MMD2: variants seen among roughly 807,000 people sequenced by gnomAD.
The protein encoded by MMD2 is monocyte to macrophage differentiation associated 2.
A neutral mutation model predicts 33.5 loss-of-function variants in MMD2; 30 were observed. The ratio of observed to expected loss-of-function variants is 0.90; its 90% CI spans 0.67 to 1.22. The LOEUF is 1.22. MMD2 is among the 50% of genes most tolerant of loss of function. The pLI is 0.00. For missense variants in MMD2, 364 were observed against 325.4 expected (o/e 1.12, Z -0.91); for synonymous variants, 129 against 123.0 (o/e 1.05, Z -0.32).
the MMD2 span, among the ~76,000 whole-genome samples, chr7:4,895,559 C>T: frequency 5.3e-5 from 8 of 151,846 alleles, 1 homozygote; most frequent in South Asian, 2.1e-4. Flanking sequence ...TTTTTTGAGA[C>T]GGAGTCTCGC....
chr7:4,958,484 T>G (rs962240239), intron 1 of MMD2, among the ~76,000 whole-genome samples: 1 of 152,090 alleles, frequency 6.6e-6, no homozygotes, highest in Non-Finnish European at 1.5e-5. Flanking sequence ...CCTCAGTTTC[T>G]CCATCTGAAA....
At chr7:4,948,284 T>C (rs745658648) in intron 1 of MMD2, among the ~76,000 whole-genome samples, 1 of 152,178 alleles carries the variant, frequency 6.6e-6, no homozygotes, top group Non-Finnish European at 1.5e-5. Flanking sequence ...CCCAGCACTT[T>C]GGGAGACTGA....
At chr7:4,928,025 G>A (rs1330553513) in intron 1 of MMD2, among the ~76,000 whole-genome samples, 1 of 152,136 alleles carries the variant, frequency 6.6e-6, no homozygotes, top group African/African-American at 2.4e-5. Context: ...CCAAGAACTG[G>A]GTCTAAGGTC....
chr7:4,928,888 T>A (rs1207524017), intron 1 of MMD2, among the ~76,000 whole-genome samples: 6 of 141,720 alleles, frequency 4.2e-5, no homozygotes, highest in South Asian at 4.6e-4. Context: ...CAGCTCATGG[T>A]GCATTTATTA....
chr7:4,895,646 C>T, the MMD2 span, among the ~76,000 whole-genome samples: 1 of 152,272 alleles, frequency 6.6e-6, no homozygotes, highest in East Asian at 1.9e-4. Context: ...AAACAATTCT[C>T]CTGACTCAGC....
In MMD2 at chr7:4,935,041, C is replaced by A. The variant is rs929755014; in HGVS notation, c.48-9509G>T. ...TCTCTACTAAAAATACAAAAATTAG[C>A]CAGGCATGGTGGCGCACACCTGTAA... On this transcript the variant is annotated intron_variant, in intron 1 of 6. Transcript: ENST00000401401. Among the ~76,000 whole-genome samples the A allele has an allele frequency of 7.2e-5, 11 of 152,150 alleles. No individual in the cohort carries two copies. In the South Asian group the frequency reaches 1.7e-3, roughly 23 times the overall value.
intron 1 of MMD2, among the ~76,000 whole-genome samples, chr7:4,935,751 A>G (rs1255036155): frequency 6.6e-6 from 1 of 151,300 alleles, no homozygotes; most frequent in African/African-American, 2.4e-5. Flanking sequence ...GGCATTGTGG[A>G]GTGGTTCCAA....
intron 1 of MMD2, among the ~76,000 whole-genome samples, chr7:4,939,556 A>C (rs1166153968): frequency 6.6e-6 from 1 of 152,106 alleles, no homozygotes; most frequent in Non-Finnish European, 1.5e-5. Context: ...AAACAAAAAA[A>C]GTCTTGGAAA....
intron 1 of MMD2, among the ~76,000 whole-genome samples, chr7:4,948,409 G>A (rs1786150062): frequency 6.6e-6 from 1 of 152,136 alleles, no homozygotes; most frequent in South Asian, 2.1e-4. Context: ...TGTAGTACCA[G>A]CTACTCGGGA....
At chr7:4,921,555 A>G (rs1785285078) in intron 2 of MMD2, among the ~76,000 whole-genome samples, 1 of 148,680 alleles carries the variant, frequency 6.7e-6, no homozygotes, top group African/African-American at 2.5e-5. Flanking sequence ...CAGGAGGTGG[A>G]GATTGCAGTG....
chr7:4,937,921 T>C (rs1785787214), intron 1 of MMD2, among the ~76,000 whole-genome samples: 1 of 151,858 alleles, frequency 6.6e-6, no homozygotes, highest in Non-Finnish European at 1.5e-5. Context: ...AGCACTGAGA[T>C]TACAGGCATG....
chr7:4,929,686 G>A (rs542198270), intron 1 of MMD2, among the ~76,000 whole-genome samples: 49 of 151,810 alleles, frequency 3.2e-4, no homozygotes, highest in Non-Finnish European at 5.9e-4. Flanking sequence ...CACCACACTC[G>A]GCTAATTTTT....
At chr7:4,900,638 C>A in the MMD2 span, among the ~76,000 whole-genome samples, 1 of 152,108 alleles carries the variant, frequency 6.6e-6, no homozygotes, top group East Asian at 1.9e-4. Context: ...CCCACCCCAG[C>A]AGTGGAGCAA....
chr7:4,927,520 G>A (rs1310090669), intron 1 of MMD2, among the ~76,000 whole-genome samples: 4 of 151,936 alleles, frequency 2.6e-5, no homozygotes, highest in East Asian at 1.9e-4. Context: ...CAACCTGGGC[G>A]ACAGAGTGAG....
rs139401728 is a variant in MMD2 at position 4,944,244 on chromosome 7, C to A, written c.47+14727G>T. On this transcript the variant is annotated intron_variant, in intron 1 of 6. Coordinates refer to ENST00000401401, the MANE Select transcript of MMD2 (RefSeq NM_198403.4). ...GAGCTATGATCGAACCACCGCACTT[C>A]AGCCTGGGCAACAGAGCAAGAAAAA... Among the ~76,000 whole-genome samples, 1,191 of 151,954 alleles carry A rather than the reference C, an allele frequency of 7.8e-3. 11 individuals carry two copies. The highest frequency in any genetic ancestry group is 0.023 in the South Asian group (111 of 4,802).
At chr7:4,895,840 A>G in the MMD2 span, among the ~76,000 whole-genome samples, 266 of 152,222 alleles carry the variant, frequency 1.7e-3, 1 homozygote, top group African/African-American at 5.4e-3. Flanking sequence ...GGCTGAGCCC[A>G]GGCATTCTGT....
chr7:4,952,031 C>T (rs868143990), intron 1 of MMD2, among the ~76,000 whole-genome samples: 1 of 152,164 alleles, frequency 6.6e-6, no homozygotes, highest in Admixed American at 6.6e-5. Context: ...CCATCATGCT[C>T]GGCCTCAACA....
At chr7:4,942,394 C>T (rs1163508928) in intron 1 of MMD2, among the ~76,000 whole-genome samples, 1 of 148,930 alleles carries the variant, frequency 6.7e-6, no homozygotes, top group African/African-American at 2.5e-5. Context: ...GCCACCTGGC[C>T]CTGCCTGGGA....
chr7:4,911,242 T>C lies in MMD2; in HGVS notation c.370A>G (p.Asn124Asp), dbSNP rs756666797. Reference protein sequence around the residue: ...FIAASYAPWLNLRELGPWASH... With the variant: ...FIAASYAPWLDLRELGPWASH... ...GCCCAGGGGCCCAGCTCCCGAAGGT[T>C]CAGCCTGGGAGAGAAAGAGCCAAGG... The change falls in exon 5 of 7, where the codon AAC becomes GAC. Residue 124 changes from asparagine to aspartate, a missense_variant. By Grantham distance (23) the Asn-to-Asp change is conservative (BLOSUM62 1). Coordinates refer to ENST00000401401, the MANE Select transcript of MMD2 (RefSeq NM_198403.4). The C allele has an allele frequency of 1.3e-6, 2 of 1,586,438 alleles. No individual in the cohort carries two copies.
Sources: allele counts gnomAD v4.1 joint callset (sites outside exome capture counted in the v4.1 genomes callset), GRCh38; gene constraint gnomAD v4.1.1; transcripts MANE v1.5; gene names NCBI Gene and HGNC (gene_info 2026-07-23, HGNC 2026-07-21).